Variants in GSE1 observed in about 807,000 individuals in gnomAD.
GSE1 encodes the protein Gse1 coiled-coil protein.
A neutral mutation model predicts 112.6 loss-of-function variants in GSE1; 32 were observed. The ratio of observed to expected loss-of-function variants is 0.28; its 90% CI spans 0.21 to 0.38. GSE1 has a LOEUF of 0.38. GSE1 is among the 10% of genes least tolerant of loss of function. The pLI, the probability that GSE1 is intolerant of heterozygous loss-of-function variation, is 1.00. For missense variants in GSE1, 2,348 were observed against 1,699.2 expected (o/e 1.38, Z -6.71); for synonymous variants, 1,115 against 735.6 (o/e 1.52, Z -8.35).
At chr16:85,492,018 C>T (rs566043994) in intron 2 of GSE1, among the ~76,000 whole-genome samples, 13 of 152,138 alleles carry the variant, frequency 8.5e-5, no homozygotes, top group Admixed American at 4.6e-4. Context: ...CCACCACCAC[C>T]GAGGTGCTGG....
At chr16:85,576,938 G>T (rs1196393328) in intron 1 of GSE1, among the ~76,000 whole-genome samples, 2 of 152,178 alleles carry the variant, frequency 1.3e-5, no homozygotes. Flanking sequence ...GAGCAGGCAG[G>T]CCCTTCCCTG....
At chr16:85,670,136 G>A (rs1345193841) in intron 14 of GSE1, among the ~76,000 whole-genome samples, 1 of 152,204 alleles carries the variant, frequency 6.6e-6, no homozygotes, top group African/African-American at 2.4e-5. Flanking sequence ...TTAGTTTCAG[G>A]TATCACATAG....
At chr16:85,465,274 G>A (rs981739914) in intron 2 of GSE1, among the ~76,000 whole-genome samples, 6 of 152,152 alleles carry the variant, frequency 3.9e-5, no homozygotes, top group Admixed American at 1.3e-4. Context: ...CCTGCCAACC[G>A]AATCTCATGC....
chr16:85,463,417 C>T (rs1431007610), intron 2 of GSE1, among the ~76,000 whole-genome samples: 6 of 152,218 alleles, frequency 3.9e-5, no homozygotes, highest in Admixed American at 2.0e-4. Flanking sequence ...CCTCAGACCC[C>T]GTGTAGGGAA....
intron 1 of GSE1, among the ~76,000 whole-genome samples, chr16:85,620,122 T>G (rs1045610069): frequency 2.6e-5 from 4 of 152,050 alleles, no homozygotes; most frequent in African/African-American, 7.2e-5. Flanking sequence ...AAAATAAAAA[T>G]AAAAATAAAA....
chr16:85,540,356 G>A (rs1255842745), intron 2 of GSE1, among the ~76,000 whole-genome samples: 1 of 152,178 alleles, frequency 6.6e-6, no homozygotes, highest in Non-Finnish European at 1.5e-5. Flanking sequence ...TGGTCAAGTT[G>A]CCCTTCACTC....
intron 1 of GSE1, among the ~76,000 whole-genome samples, chr16:85,601,104 G>A (rs1464963131): frequency 2.0e-5 from 3 of 152,080 alleles, no homozygotes; most frequent in Non-Finnish European, 4.4e-5. Flanking sequence ...AAAGGAGATG[G>A]GGCTCTGCTG....
chr16:85,420,280 C>G (rs1251552601), intron 2 of GSE1, among the ~76,000 whole-genome samples: 2 of 152,128 alleles, frequency 1.3e-5, no homozygotes, highest in Non-Finnish European at 2.9e-5. Flanking sequence ...GGTTGTCGCC[C>G]TAGTACCTCT....
intron 1 of GSE1, among the ~76,000 whole-genome samples, chr16:85,186,332 C>G (rs7198780): frequency 6.6e-6 from 1 of 151,558 alleles, no homozygotes; most frequent in East Asian, 1.9e-4. Context: ...TGTCCGGGTG[C>G]GGTCGCTCAC....
At chr16:85,599,974 C>T (rs1434161816) in intron 1 of GSE1, among the ~76,000 whole-genome samples, 1 of 152,192 alleles carries the variant, frequency 6.6e-6, no homozygotes, top group Non-Finnish European at 1.5e-5. Flanking sequence ...CGGCAGCTGT[C>T]CTCCCTGTGA....
chr16:85,311,554 C>T lies in GSE1; in HGVS notation c.2284-45909C>T, dbSNP rs1320201322. ...GCCGGGGTGCTCACCTTCCCCGAGG[C>T]TTTGTTTCCGGATTCTTCTCTTCCC... On this transcript the variant is annotated intron_variant, in intron 1 of 2. Coordinates refer to the GSE1 transcript ENST00000637419. The surrounding 1 kb of genome is among the most constrained non-coding windows in gnomAD (Gnocchi z 4.2). Among the ~76,000 whole-genome samples the T allele has an allele frequency of 6.6e-6, 1 of 152,104 alleles. No individual in the cohort carries two copies. Among genetic ancestry groups the T allele is most frequent in the African/African-American group, 2.4e-5 (1 of 41,432 alleles).
At chr16:85,621,575 C>T (rs891985255) in intron 1 of GSE1, among the ~76,000 whole-genome samples, 1 of 152,196 alleles carries the variant, frequency 6.6e-6, no homozygotes, top group Non-Finnish European at 1.5e-5. Context: ...GAGCCTGTCA[C>T]CTGGGCACAG....
At chr16:85,455,158 A>C (rs1423311070) in intron 2 of GSE1, among the ~76,000 whole-genome samples, 1 of 152,240 alleles carries the variant, frequency 6.6e-6, no homozygotes, top group Non-Finnish European at 1.5e-5. Context: ...ATGGTTATTC[A>C]GAGCAGGGCC....
rs11442480 is a variant in GSE1, at chr16:85,325,760, A to ATT, written c.2284-31690_2284-31689dup. On this transcript the variant is annotated intron_variant, in intron 1 of 2. Coordinates refer to the GSE1 transcript ENST00000637419. ...AGCCACTGCACCCGGCCTTCAGTCAATTTTTTTTTTTTTTGAGACGGAGTC... is the reference window on the plus strand; with the variant it reads ...AGCCACTGCACCCGGCCTTCAGTCAATTTTTTTTTTTTTTTTGAGACGGAGTC... Among the ~76,000 whole-genome samples, 240 of 135,226 alleles carry ATT rather than the reference A, an allele frequency of 1.8e-3. 3 individuals are homozygous for ATT. The highest frequency in any genetic ancestry group is 9.8e-3 in the Middle Eastern group (2 of 204). 88.7% of individuals were successfully genotyped at this position (135,226 alleles called of 152,430 possible).
intron 2 of GSE1, among the ~76,000 whole-genome samples, chr16:85,644,044 T>TG (rs1319879460): frequency 6.6e-6 from 1 of 152,014 alleles, no homozygotes; most frequent in Non-Finnish European, 1.5e-5. Flanking sequence ...AGTAGGGTGG[T>TG]GGGGCAGGCA....
intron 1 of GSE1, among the ~76,000 whole-genome samples, chr16:85,330,817 CCTGT>C (rs1401104907): frequency 6.6e-6 from 1 of 152,200 alleles, no homozygotes; most frequent in Admixed American, 6.5e-5. Context: ...ACACATCTTC[CCTGT>C]CTTTCTCTAT....
At chr16:85,514,217 T>G (rs1309303257) in intron 2 of GSE1, among the ~76,000 whole-genome samples, 1 of 133,606 alleles carries the variant, frequency 7.5e-6, no homozygotes, top group Non-Finnish European at 1.6e-5. Flanking sequence ...CTGTCTCCCC[T>G]CTCCCCTCCC....
At chr16:85,170,125 C>T (rs1032689416) in exon 1 of GSE1, 30 of 985,154 alleles carry the variant, frequency 3.0e-5, no homozygotes, top group Non-Finnish European at 3.6e-5. Context: ...GGACGGGGCC[C>T]CAGGGCCAGG....
intron 1 of GSE1, among the ~76,000 whole-genome samples, chr16:85,618,883 C>G (rs534548600): frequency 6.6e-6 from 1 of 152,232 alleles, no homozygotes; most frequent in Non-Finnish European, 1.5e-5. Context: ...AGGGTGGTCT[C>G]AAACTCCTGA....
Sources: allele counts gnomAD v4.1 joint callset (sites outside exome capture counted in the v4.1 genomes callset), GRCh38; gene constraint gnomAD v4.1.1; non-coding constraint Gnocchi (gnomAD v3.1); transcripts MANE v1.5; gene names NCBI Gene and HGNC (gene_info 2026-07-23, HGNC 2026-07-21).